The following TTLL7 variants were observed in gnomAD, a reference collection of about 807,000 sequenced individuals.
The protein encoded by TTLL7 is tubulin tyrosine ligase like 7, also known as tubulin polyglutamylase TTLL7.
A neutral mutation model predicts 120.2 loss-of-function variants in TTLL7; 53 were observed. The observed-to-expected ratio is 0.44, with a 90% CI of 0.35 to 0.55. The LOEUF (loss-of-function observed/expected upper bound fraction) is 0.55. Among genes scored for constraint, TTLL7 ranks in the 20% least tolerant of loss-of-function variants. The pLI is 0.00. For synonymous variants in TTLL7, 353 were observed against 351.7 expected (o/e 1.00, Z -0.04); for missense variants, 803 against 1,054.7 (o/e 0.76, Z 3.31).
At chr1:83,873,822 C>T (rs987485040) in intron 20 of TTLL7, among the ~76,000 whole-genome samples, 3 of 152,096 alleles carry the variant, frequency 2.0e-5, no homozygotes, top group African/African-American at 7.2e-5. Flanking sequence ...ATAAGCTACA[C>T]CCACCTTCCT....
intron 8 of TTLL7, among the ~76,000 whole-genome samples, chr1:83,937,499 G>A (rs879796651): frequency 2.4e-4 from 37 of 152,102 alleles, no homozygotes; most frequent in Non-Finnish European, 2.2e-4. Context: ...CACTGTGCCC[G>A]GCCTAGTACA....
At chr1:83,911,794 T>A (rs886500464) in intron 14 of TTLL7, among the ~76,000 whole-genome samples, 9 of 151,986 alleles carry the variant, frequency 5.9e-5, no homozygotes, top group African/African-American at 2.2e-4. Context: ...TGTGTATGCA[T>A]GTGCACGTGC....
rs1570986067 is a variant in TTLL7 at position 83,868,128 on chromosome 1, T to C, written c.*1834A>G. The C allele has an allele frequency of 6.6e-6, 1 of 152,180 alleles. No homozygotes were observed. Among genetic ancestry groups the C allele is most frequent in the Non-Finnish European group, 1.5e-5 (1 of 68,018 alleles). The allele number at this position is 152,180 out of a possible 1,614,324, so 9.4% of individuals were successfully genotyped here. ...GATGGCTTGAAAAGCAAAATACATC[T>C]AACTTATAACTTTAGGTTGCCAATT... is the stretch of plus-strand genomic sequence containing the variant. On this transcript the variant is annotated 3_prime_UTR_variant, in exon 21 of 21. Transcript: ENST00000260505.
At chr1:83,895,490 T>C (rs1414048935) in intron 18 of TTLL7, among the ~76,000 whole-genome samples, 1 of 152,074 alleles carries the variant, frequency 6.6e-6, no homozygotes, top group Non-Finnish European at 1.5e-5. Context: ...TAATCATACA[T>C]ATTATTAATT....
At chr1:83,985,564 C>T (rs553034686) in intron 1 of TTLL7, among the ~76,000 whole-genome samples, 1 of 152,116 alleles carries the variant, frequency 6.6e-6, no homozygotes, top group South Asian at 2.1e-4. Flanking sequence ...TTAACCATCA[C>T]AGATTTTTTA....
At chr1:83,876,290 C>A (rs567713692) in intron 20 of TTLL7, among the ~76,000 whole-genome samples, 1 of 151,686 alleles carries the variant, frequency 6.6e-6, no homozygotes, top group Non-Finnish European at 1.5e-5. Flanking sequence ...ATTTGTCTAT[C>A]CTTTTTGCCA....
intron 18 of TTLL7, among the ~76,000 whole-genome samples, chr1:83,901,573 A>G (rs1204707726): frequency 1.3e-5 from 2 of 152,008 alleles, no homozygotes; most frequent in African/African-American, 4.8e-5. Flanking sequence ...TTCTAATAAA[A>G]ATTCCATATT....
At chr1:83,900,343 AG>A (rs553416378) in intron 18 of TTLL7, among the ~76,000 whole-genome samples, 46 of 152,126 alleles carry the variant, frequency 3.0e-4, no homozygotes, top group Middle Eastern at 3.4e-3. Flanking sequence ...GGCTTTTTAG[AG>A]GGATGGAAAA....
intron 4 of TTLL7, chr1:83,949,312 TTTG>T (rs1364577573): frequency 2.0e-5 from 3 of 149,870 alleles, no homozygotes; most frequent in Non-Finnish European, 3.0e-5. Context: ...TTTTTTTTGT[TTTG>T]TTTTTTTTTT....
At chr1:83,976,337 T>C (rs1358574818) in intron 1 of TTLL7, among the ~76,000 whole-genome samples, 1 of 152,046 alleles carries the variant, frequency 6.6e-6, no homozygotes, top group Non-Finnish European at 1.5e-5. Context: ...TGTCCTTCAG[T>C]GTATTACCAA....
At chr1:83,944,040 G>A (rs561389217) in intron 6 of TTLL7, among the ~76,000 whole-genome samples, 21 of 152,082 alleles carry the variant, frequency 1.4e-4, no homozygotes, top group Non-Finnish European at 2.8e-4. Flanking sequence ...GATATAAACA[G>A]TATACTTGAC....
intron 1 of TTLL7, among the ~76,000 whole-genome samples, chr1:83,989,625 T>C (rs1241694213): frequency 3.3e-5 from 5 of 152,220 alleles, no homozygotes; most frequent in Non-Finnish European, 7.3e-5. Context: ...TTGCTTAGGA[T>C]TGCTTTAGCT....
chr1:83,985,777 G>T (rs1453911742), intron 1 of TTLL7, among the ~76,000 whole-genome samples: 1 of 152,002 alleles, frequency 6.6e-6, no homozygotes, highest in Non-Finnish European at 1.5e-5. Context: ...GGAAAATTAT[G>T]AATAACTTTA....
At chr1:83,974,569 G>A (rs1651288969) in intron 1 of TTLL7, among the ~76,000 whole-genome samples, 1 of 151,828 alleles carries the variant, frequency 6.6e-6, no homozygotes, top group African/African-American at 2.4e-5. Flanking sequence ...ATAAACATAA[G>A]GTATTGTCTT....
chr1:83,988,352 A>G (rs776357942), intron 1 of TTLL7, among the ~76,000 whole-genome samples: 20 of 152,208 alleles, frequency 1.3e-4, no homozygotes, highest in Non-Finnish European at 2.2e-4. Context: ...TTATACAAGT[A>G]CATGTATCTT....
intron 1 of TTLL7, among the ~76,000 whole-genome samples, chr1:83,969,921 A>G (rs1571343175): frequency 6.6e-6 from 1 of 152,108 alleles, no homozygotes; most frequent in East Asian, 1.9e-4. Flanking sequence ...AATGAATGAT[A>G]AAGTTGAAGA....
At position 83,948,570 on chromosome 1, in the gene TTLL7, A is replaced by G; in HGVS notation, c.347+58T>C. 3.7e-6 allele frequency: 4 copies of G among 1,081,864 alleles called. No homozygotes were observed. The South Asian group carries it at 5.3e-5, about 14-fold the overall frequency. 67.0% of individuals were successfully genotyped at this position (1,081,864 alleles called of 1,614,324 possible). ...GTAACCTTGTGAAAGATAGCACTAC[A>G]GTAGTTATGGTATAAATTTTGAACA... On this transcript the variant is annotated intron_variant, in intron 5 of 20. Coordinates refer to ENST00000260505, the MANE Select transcript of TTLL7 (RefSeq NM_024686.6).
chr1:83,965,317 G>C lies in TTLL7; in HGVS notation c.-176-12930C>G, dbSNP rs575963464. On this transcript the variant is annotated intron_variant, in intron 1 of 20. Coordinates refer to ENST00000260505, the MANE Select transcript of TTLL7 (RefSeq NM_024686.6). ...TTTCTCCACACTTGTTCTTGTGATA[G>C]TGAGTGAGTTCTCACGAAATCTGAT... Among the ~76,000 whole-genome samples the C allele has an allele frequency of 8.5e-5, 13 of 152,160 alleles. No homozygotes were observed. The South Asian group carries it at 2.7e-3, about 32-fold the overall frequency.
chr1:83,931,104 CA>C (rs11326856), intron 9 of TTLL7, among the ~76,000 whole-genome samples: 14,072 of 151,284 alleles, frequency 0.093, 1,110 homozygotes, highest in East Asian at 0.37. Flanking sequence ...TCCACCCAGC[CA>C]AAATTCTCCT....
Sources: gnomAD v4.1 joint callset for allele counts (sites outside exome capture counted in the v4.1 genomes callset) on GRCh38, gnomAD v4.1.1 for gene constraint, MANE v1.5 for transcripts, NCBI Gene and HGNC (gene_info 2026-07-23, HGNC 2026-07-21) for gene names.